L3MBTL4: variants seen among roughly 807,000 people sequenced by gnomAD.
The protein encoded by L3MBTL4 is lethal(3)malignant brain tumor-like protein 4.
Under a neutral mutation model 84.5 loss-of-function variants are expected in L3MBTL4, and 70 were observed. That is an observed-to-expected ratio of 0.83 (90% CI 0.68 to 1.01). The LOEUF is 1.01. L3MBTL4 is among the 50% of genes least tolerant of loss of function. The pLI, the probability that L3MBTL4 is intolerant of heterozygous loss-of-function variation, is 0.00. For missense variants in L3MBTL4, 715 were observed against 754.8 expected, an observed-to-expected ratio of 0.95 and a Z score of 0.62; for synonymous variants, 274 against 259.8, an observed-to-expected ratio of 1.05 and a Z score of -0.52.
At chr18:6,223,948 C>T (rs908254671) in intron 10 of L3MBTL4, among the ~76,000 whole-genome samples, 43 of 151,724 alleles carry the variant, frequency 2.8e-4, no homozygotes, top group African/African-American at 1.0e-3. Context: ...TGGAGCGGTT[C>T]GATATACTAG....
At chr18:6,384,094 G>A (rs2054713229) in intron 1 of L3MBTL4, among the ~76,000 whole-genome samples, 1 of 152,044 alleles carries the variant, frequency 6.6e-6, no homozygotes. Flanking sequence ...ACTACATCTG[G>A]GGACAGCTGT....
rs560608459 is a variant in L3MBTL4 at position 6,058,197 on chromosome 18, T to G, written c.1444+22684A>C. On this transcript the variant is annotated intron_variant, in intron 16 of 18. Transcript: ENST00000317931. ...TTTATAAGTTTTATCTCTTAGAAATTTAATGAAATGTCAAAATAGCAGTGC... is the reference window on the plus strand; with the variant it reads ...TTTATAAGTTTTATCTCTTAGAAATGTAATGAAATGTCAAAATAGCAGTGC... Among the ~76,000 whole-genome samples, 8 of 152,326 alleles carry G rather than the reference T, an allele frequency of 5.3e-5. No individual in the cohort carries two copies. The South Asian group carries it at 1.4e-3, about 28-fold the overall frequency.
chr18:6,138,252 T>A lies in L3MBTL4; in HGVS notation c.1141A>T (p.Thr381Ser). The A allele has an allele frequency of 6.2e-7, 1 of 1,613,168 alleles. No homozygotes were observed. The highest frequency in any genetic ancestry group is 1.1e-5 in the South Asian group (1 of 90,834). Residue 381 changes from threonine to serine, a missense_variant, in exon 14 of 19, where the codon ACT (threonine) becomes TCT (serine). Physicochemically the swap from Thr to Ser is moderately conservative, Grantham distance 58. Transcript: ENST00000317931. ...TGGCCTATTCCTCGGCACCCGGGAG[T>A]AGGACAGACAGCTTGACCTGGAAGG... ...KILPGQAVCP[T>S]PGCRGIGHIR...
chr18:5,958,434 C>A (rs1166520096), intron 18 of L3MBTL4, among the ~76,000 whole-genome samples: 2 of 152,172 alleles, frequency 1.3e-5, no homozygotes, highest in Non-Finnish European at 2.9e-5. Context: ...TAAGCTCCAG[C>A]ATTTTCAGGC....
intron 3 of L3MBTL4, among the ~76,000 whole-genome samples, chr18:6,307,184 G>A (rs1423756563): frequency 1.3e-5 from 2 of 151,968 alleles, no homozygotes; most frequent in Admixed American, 1.3e-4. Context: ...TGTATTCCCA[G>A]CACTTTGGGA....
rs765617131 is a variant in L3MBTL4, at chr18:6,263,979, C to T, written c.187G>A (p.Ala63Thr). The T allele has an allele frequency of 2.5e-6, 4 of 1,614,082 alleles. No individual in the cohort carries two copies. The East Asian group carries it at 6.7e-5, about 27-fold the overall frequency. Reference protein sequence around the residue: ...SWEWYLKEQKAVAAPVELFSK... With the variant: ...SWEWYLKEQKTVAAPVELFSK... ...AACAGCTCAACAGGTGCTGCGACAG[C>T]CTTCTGTTCTTTCAAGTACCACTCC... Residue 63 changes from alanine (A) to threonine (T), a missense_variant, in exon 5 of 19, where the codon GCT becomes ACT. Transcript: ENST00000317931.
chr18:6,408,568 CCA>C (rs753877761), intron 1 of L3MBTL4, among the ~76,000 whole-genome samples: 6 of 152,158 alleles, frequency 3.9e-5, no homozygotes, highest in Non-Finnish European at 7.4e-5. Flanking sequence ...CATATAAGAT[CCA>C]CAGTTTGCTG....
rs573281155 is a variant in L3MBTL4, at chr18:6,401,337, G to C, written c.-91+13464C>G. Among the ~76,000 whole-genome samples, 4 of 152,234 alleles carry C rather than the reference G, an allele frequency of 2.6e-5. No homozygotes were observed. The South Asian group carries it at 8.3e-4, about 32-fold the overall frequency. ...AAGTATTAATTTTATATGTAATGCT[G>C]CAGACTCTGAATTTTGACTAGATGT... On this transcript the variant is annotated intron_variant, in intron 1 of 18. Transcript: ENST00000317931.
At chr18:6,234,297 A>G (rs1206042815) in intron 10 of L3MBTL4, among the ~76,000 whole-genome samples, 1 of 152,232 alleles carries the variant, frequency 6.6e-6, no homozygotes, top group African/African-American at 2.4e-5. Context: ...AATGGCAACA[A>G]AAGCCAAAAT....
chr18:6,317,079 AC>A, intron 1 of L3MBTL4, among the ~76,000 whole-genome samples: 2 of 152,224 alleles, frequency 1.3e-5, no homozygotes, highest in African/African-American at 4.8e-5. Flanking sequence ...TGCCATTCCA[AC>A]CCCATAGGAG....
chr18:6,284,825 G>A (rs1223508199), intron 4 of L3MBTL4, among the ~76,000 whole-genome samples: 1 of 152,236 alleles, frequency 6.6e-6, no homozygotes, highest in African/African-American at 2.4e-5. Context: ...CCTCGAGCCC[G>A]CTGGAGGAGC....
chr18:6,239,642 C>T (rs1208118241), intron 9 of L3MBTL4, 76 bp downstream of exon 9: 1 of 1,448,962 alleles, frequency 6.9e-7, no homozygotes, highest in African/African-American at 1.4e-5. Flanking sequence ...AAAACAGCAA[C>T]AGTGCTAGAA....
chr18:5,958,154 G>C lies in L3MBTL4; in HGVS notation c.1678-1767C>G, dbSNP rs867817813. On this transcript the variant is annotated intron_variant, in intron 18 of 18. Coordinates refer to ENST00000317931, the MANE Select transcript of L3MBTL4 (RefSeq NM_001330559.2). ...AAAAGAAGAAGAAGAAGAAGAAGAA[G>C]AAGAACAAGAAGAAGAAGAAGACGA... 6.2e-4 allele frequency among the ~76,000 whole-genome samples: 41 copies of C among 66,358 alleles called. 1 individual carries two copies. The highest frequency in any genetic ancestry group is 1.8e-3 in the Admixed American group (14 of 7,596). 43.5% of individuals were successfully genotyped at this position (66,358 alleles called of 152,430 possible).
At chr18:6,084,789 C>T (rs1647661672) in intron 15 of L3MBTL4, among the ~76,000 whole-genome samples, 1 of 152,162 alleles carries the variant, frequency 6.6e-6, no homozygotes, top group East Asian at 1.9e-4. Context: ...TTTCTGCATA[C>T]AAGGTGAGAG....
chr18:6,180,312 G>A (rs1030943113), intron 12 of L3MBTL4, among the ~76,000 whole-genome samples: 2 of 140,370 alleles, frequency 1.4e-5, no homozygotes, highest in Non-Finnish European at 3.1e-5. Flanking sequence ...ACTGAGACAG[G>A]GATTATGAAA....
intron 1 of L3MBTL4, among the ~76,000 whole-genome samples, chr18:6,404,882 C>T (rs1009793137): frequency 1.3e-4 from 19 of 150,640 alleles, no homozygotes; most frequent in African/African-American, 4.6e-4. Context: ...GAGACGAAGT[C>T]TCACTATGTT....
chr18:5,964,646 G>C (rs2052248638), intron 17 of L3MBTL4, among the ~76,000 whole-genome samples: 1 of 152,080 alleles, frequency 6.6e-6, no homozygotes, highest in Non-Finnish European at 1.5e-5. Flanking sequence ...TGAACATTTA[G>C]GGAGCACTTG....
At chr18:5,967,752 G>T (rs533464197) in intron 17 of L3MBTL4, among the ~76,000 whole-genome samples, 1 of 152,252 alleles carries the variant, frequency 6.6e-6, no homozygotes, top group Non-Finnish European at 1.5e-5. Context: ...GCTGCTGCTG[G>T]CAGTGGGCAG....
At chr18:6,333,635 G>A (rs1264186456) in intron 1 of L3MBTL4, among the ~76,000 whole-genome samples, 2 of 151,948 alleles carry the variant, frequency 1.3e-5, no homozygotes, top group Non-Finnish European at 2.9e-5. Context: ...GCAGGATGCA[G>A]GTGGGGTGGG....
Sources: allele counts gnomAD v4.1 joint callset (sites outside exome capture counted in the v4.1 genomes callset), GRCh38; gene constraint gnomAD v4.1.1; transcripts MANE v1.5; gene names NCBI Gene and HGNC (gene_info 2026-07-23, HGNC 2026-07-21).